CCDC138: variants seen among roughly 807,000 people sequenced by gnomAD.
CCDC138 encodes coiled-coil domain-containing protein 138.
CCDC138 carries 66 observed loss-of-function variants against 82.3 expected under a neutral mutation model. That is an observed-to-expected ratio of 0.80 (90% CI 0.66 to 0.98). The LOEUF (loss-of-function observed/expected upper bound fraction) is 0.98. CCDC138 is among the 50% of genes least tolerant of loss of function. The pLI is 0.00. For missense variants in CCDC138, 816 were observed against 758.9 expected (o/e 1.08, Z -0.88); for synonymous variants, 297 against 265.4 (o/e 1.12, Z -1.16).
intron 6 of CCDC138, among the ~76,000 whole-genome samples, chr2:108,802,674 G>A (rs796220243): frequency 1.1e-4 from 16 of 142,208 alleles, no homozygotes; most frequent in African/African-American, 3.6e-4. Flanking sequence ...ATGTTGAATA[G>A]GAGTGGTGAG....
chr2:108,828,436 C>T (rs1281851977), intron 10 of CCDC138, among the ~76,000 whole-genome samples: 1 of 152,190 alleles, frequency 6.6e-6, no homozygotes, highest in Non-Finnish European at 1.5e-5. Flanking sequence ...AGAGAGCTCT[C>T]ATACTTTCTG....
Position 108,839,156 on chromosome 2 carries a change from G to C in CCDC138, c.1207-29G>C, listed in dbSNP as rs763896273. The C allele has an allele frequency of 1.9e-6, 3 of 1,578,648 alleles. No homozygotes were observed. The East Asian group carries it at 6.8e-5, about 36-fold the overall frequency. ...AGACATTTAAAAATACTGTGCCTTT[G>C]TATTTATTTTCCATCATTTTATCTT... On this transcript the variant is annotated intron_variant, in intron 10 of 14. Transcript: ENST00000295124.
intron 12 of CCDC138, among the ~76,000 whole-genome samples, chr2:108,851,445 G>A (rs1691476806): frequency 6.6e-6 from 1 of 152,072 alleles, no homozygotes; most frequent in Non-Finnish European, 1.5e-5. Flanking sequence ...GGGCTTACAG[G>A]TGCCTGCCAC....
chr2:108,838,962 C>T (rs781315602), intron 10 of CCDC138, among the ~76,000 whole-genome samples: 6 of 152,024 alleles, frequency 3.9e-5, no homozygotes, highest in Non-Finnish European at 7.4e-5. Flanking sequence ...TCTCCTTAAA[C>T]TAGATGTGCT....
intron 12 of CCDC138, among the ~76,000 whole-genome samples, chr2:108,847,715 T>C (rs1690730093): frequency 6.6e-6 from 1 of 152,246 alleles, no homozygotes; most frequent in Admixed American, 6.5e-5. Context: ...GTTAAATTTT[T>C]TGTTAAGCTC....
At chr2:108,863,681 T>A (rs1259412690) in intron 13 of CCDC138, among the ~76,000 whole-genome samples, 1 of 152,242 alleles carries the variant, frequency 6.6e-6, no homozygotes, top group Non-Finnish European at 1.5e-5. Flanking sequence ...TATTTTGTTA[T>A]GTTTATCATC....
downstream of CCDC138, among the ~76,000 whole-genome samples, chr2:108,877,743 G>T (rs1273957823): frequency 2.5e-4 from 38 of 152,112 alleles, no homozygotes; most frequent in Admixed American, 2.2e-3. Context: ...AAAGATTCTG[G>T]TGGCCAAAGA....
At chr2:108,799,213 T>C (rs1681472532) in intron 6 of CCDC138, among the ~76,000 whole-genome samples, 1 of 152,210 alleles carries the variant, frequency 6.6e-6, no homozygotes, top group East Asian at 1.9e-4. Flanking sequence ...TTTGCCTGAT[T>C]GCTTCGTAAC....
intron 7 of CCDC138, among the ~76,000 whole-genome samples, chr2:108,806,733 T>G (rs1452562108): frequency 1.3e-5 from 2 of 152,236 alleles, no homozygotes; most frequent in African/African-American, 4.8e-5. Context: ...TTGAAATTGC[T>G]GAAGAAAAAG....
intron 10 of CCDC138, among the ~76,000 whole-genome samples, chr2:108,822,739 C>T (rs1685924873): frequency 6.6e-6 from 1 of 152,072 alleles, no homozygotes; most frequent in South Asian, 2.1e-4. Context: ...TTGGCAAATA[C>T]CTTGAAACAA....
intron 13 of CCDC138, among the ~76,000 whole-genome samples, chr2:108,872,507 G>A (rs1034253344): frequency 6.6e-6 from 1 of 152,144 alleles, no homozygotes. Context: ...CACTTAGTCT[G>A]TTTTATCCTA....
intron 10 of CCDC138, among the ~76,000 whole-genome samples, chr2:108,817,004 C>T (rs1439047989): frequency 1.3e-5 from 2 of 152,114 alleles, no homozygotes; most frequent in Admixed American, 1.3e-4. Context: ...GACCCAGTCA[C>T]TTCTTAAAGG....
chr2:108,805,000 A>C lies in CCDC138; in HGVS notation c.847A>C (p.Lys283Gln), dbSNP rs1380142005. 6.6e-7 allele frequency: 1 copy of C among 1,526,498 alleles called. No homozygotes were observed. The highest frequency in any genetic ancestry group is 1.4e-5 in the African/African-American group (1 of 70,494). The allele number at this position is 1,526,498 out of a possible 1,614,324, so 94.6% of individuals were successfully genotyped here. Reference protein sequence around the residue: ...DALKELNDTLKKQLNEASEEN... With the variant: ...DALKELNDTLQKQLNEASEEN... ...ATTGAAAGAATTGAATGATACCTTA[A>C]AAAAACAGGTAAGACCTGTTTTAAT... is the stretch of plus-strand genomic sequence containing the variant. The change falls in exon 7 of 15, where the codon AAA becomes CAA. Residue 283 changes from lysine to glutamine, a missense_variant. Lys to Gln is a moderately conservative substitution (Grantham distance 53, BLOSUM62 1). Transcript: ENST00000295124.
chr2:108,872,048 T>A (rs1695340477), intron 13 of CCDC138, among the ~76,000 whole-genome samples: 1 of 152,222 alleles, frequency 6.6e-6, no homozygotes, highest in Non-Finnish European at 1.5e-5. Flanking sequence ...AAGAGGTACT[T>A]CATGTTTGAG....
intron 10 of CCDC138, among the ~76,000 whole-genome samples, chr2:108,834,144 C>G (rs1204452128): frequency 2.6e-5 from 4 of 151,644 alleles, no homozygotes; most frequent in Non-Finnish European, 5.9e-5. Context: ...TTCCTGTCAT[C>G]AGAATCAATT....
chr2:108,825,274 TTTTG>T (rs34218601), intron 10 of CCDC138, among the ~76,000 whole-genome samples: 97,018 of 151,280 alleles, frequency 0.64, 34,439 homozygotes, highest in East Asian at 0.91. Flanking sequence ...GTGGTGGGTT[TTTTG>T]TTTGTTTGTT....
At chr2:108,811,580 T>A (rs1683883590) in intron 7 of CCDC138, among the ~76,000 whole-genome samples, 2 of 152,064 alleles carry the variant, frequency 1.3e-5, no homozygotes, top group African/African-American at 4.8e-5. Flanking sequence ...GTTTGTTGGT[T>A]TTTTTATTTT....
At chr2:108,883,107 T>A (rs540362935) in intron 2 of CCDC138, 3 of 152,326 alleles carry the variant, frequency 2.0e-5, no homozygotes, top group African/African-American at 7.2e-5. Context: ...CCTCTATATT[T>A]TGTGAGCCCA....
At chr2:108,875,911 C>T (rs1695961780) in intron 14 of CCDC138, 177 bp from the exon 15 acceptor site, 1 of 158,922 alleles carries the variant, frequency 6.3e-6, no homozygotes. Context: ...TCAGGTTTAT[C>T]TCATAAAACC....
Sources: allele counts gnomAD v4.1 joint callset (sites outside exome capture counted in the v4.1 genomes callset), GRCh38; gene constraint gnomAD v4.1.1; transcripts MANE v1.5; gene names NCBI Gene and HGNC (gene_info 2026-07-23, HGNC 2026-07-21).